The following RBCK1 variants were observed in gnomAD, a reference collection of about 807,000 sequenced individuals.
RBCK1 encodes ranBP-type and C3HC4-type zinc finger-containing protein 1.
Under a neutral mutation model 71.1 loss-of-function variants are expected in RBCK1, and 44 were observed. That is an observed-to-expected ratio of 0.62 (90% CI 0.49 to 0.80). RBCK1 has a LOEUF of 0.80. Among genes scored for constraint, RBCK1 ranks in the 30% least tolerant of loss-of-function variants. The pLI is 0.00. For synonymous variants in RBCK1, 306 were observed against 279.7 expected (o/e 1.09, Z -0.94); for missense variants, 569 against 685.0 (o/e 0.83, Z 1.89).
At position 431,688 on chromosome 20, in the gene RBCK1, C is replaced by T. The variant is rs1360557703; in HGVS notation, c.*1258C>T. ...TGGATGCCAGGACTCAAGAGCTGGC[C>T]CCAGTCACTGTGCGCAGAGCTGTCT... On this transcript the variant is annotated 3_prime_UTR_variant, in exon 12 of 12. Transcript: ENST00000356286. The surrounding 1 kb of genome is among the most constrained non-coding windows in gnomAD (Gnocchi z 4.8). Among the ~76,000 whole-genome samples the T allele has an allele frequency of 6.6e-6, 1 of 152,176 alleles. No individual in the cohort carries two copies. Among genetic ancestry groups the T allele is most frequent in the Admixed American group, 6.5e-5 (1 of 15,278 alleles).
At chr20:415,706 G>T (rs979208728) in intron 2 of RBCK1, among the ~76,000 whole-genome samples, 1 of 152,058 alleles carries the variant, frequency 6.6e-6, no homozygotes, top group Admixed American at 6.6e-5. Flanking sequence ...TTGCTACAAA[G>T]AAATATCTGA....
rs781737460 is a variant in RBCK1 at position 408,814 on chromosome 20, G to A, written c.22+35G>A. 1.6e-5 allele frequency: 25 copies of A among 1,598,092 alleles called. No individual in the cohort carries two copies. The Admixed American group carries it at 3.1e-4, about 20-fold the overall frequency. ...GGCTGGAGGTGGCTGGGGAACTTCC[G>A]GTGGGAAGTGGGCCCCGCAGGACCT... On this transcript the variant is annotated intron_variant, in intron 1 of 11. Coordinates refer to ENST00000356286, the MANE Select transcript of RBCK1 (RefSeq NM_031229.4).
chr20:410,108 C>G, intron 2 of RBCK1, 83 bp downstream of exon 2: 5 of 1,461,268 alleles, frequency 3.4e-6, no homozygotes, highest in African/African-American at 1.4e-5. Flanking sequence ...CCTAATGGCA[C>G]GTTCTGGCTT....
At chr20:413,400 A>T (rs2015814609) in intron 2 of RBCK1, among the ~76,000 whole-genome samples, 2 of 152,094 alleles carry the variant, frequency 1.3e-5, no homozygotes, top group Non-Finnish European at 1.5e-5. Context: ...AAATATTGAG[A>T]TATCTACTTC....
rs1157326317 is a variant in RBCK1, at chr20:417,765, C to T, written c.295C>T (p.Gln99Ter). 6.2e-7 allele frequency: 1 copy of T among 1,614,038 alleles called. No individual in the cohort carries two copies. The highest frequency in any genetic ancestry group is 8.5e-7 in the Non-Finnish European group (1 of 1,179,912). Residue 99 changes from glutamine (Q) to a stop codon, truncating the protein, a stop_gained, in exon 4 of 12, where the codon CAG (glutamine) becomes TAG (stop). Transcript: ENST00000356286. LOFTEE classifies it high-confidence loss of function. This position sits in a 1 kb window ranked among gnomAD's most constrained non-coding sequence, Gnocchi z 4.7. ...FLDYGFPPVL[Q>*]QWVIGQRLAR... ...GGACTATGGCTTCCCACCAGTCTTG[C>T]AGCAGTGGGTGATTGGGCAGCGGCT...
Position 417,839 on chromosome 20 carries a change from G to A in RBCK1, c.369G>A (p.Gly123=), listed in dbSNP as rs2016089614. 6.2e-7 allele frequency: 1 copy of A among 1,613,898 alleles called. No individual in the cohort carries two copies. Among genetic ancestry groups the A allele is most frequent in the Non-Finnish European group, 8.5e-7 (1 of 1,180,034 alleles). Residue 123 remains glycine (G), a synonymous_variant, in exon 4 of 12, where the codon GGG becomes GGA. Coordinates refer to ENST00000356286, the MANE Select transcript of RBCK1 (RefSeq NM_031229.4). This position sits in a 1 kb window ranked among gnomAD's most constrained non-coding sequence, Gnocchi z 4.7. ...TLHSHGVRQN[G]DSAYLYLLSA... ...ACTCCCATGGGGTGCGGCAGAATGGGGACAGTGCCTACCTCTATCTGCTGT... is the reference window on the plus strand; with the variant it reads ...ACTCCCATGGGGTGCGGCAGAATGGAGACAGTGCCTACCTCTATCTGCTGT...
chr20:424,575 G>A (rs555549704), intron 8 of RBCK1, among the ~76,000 whole-genome samples: 2 of 152,308 alleles, frequency 1.3e-5, no homozygotes, highest in East Asian at 3.9e-4. Flanking sequence ...TCACAGCTCT[G>A]ATATCAGGAG....
chr20:427,362 T>C lies in RBCK1; in HGVS notation c.1079T>C (p.Ile360Thr), dbSNP rs2016784276. 2 of 1,614,054 alleles carry C rather than the reference T, an allele frequency of 1.2e-6. No individual in the cohort carries two copies. Among genetic ancestry groups the C allele is most frequent in the South Asian group, 1.1e-5 (1 of 91,084 alleles). The change falls in exon 9 of 12, where the codon ATT becomes ACT. Residue 360 changes from isoleucine (I) to threonine (T), a missense_variant. Physicochemically the swap from Ile to Thr is moderately conservative, Grantham distance 89 (BLOSUM62 -1). This residue lies in a region of RBCK1 where 211 missense variants were observed against 309.4 expected (regional missense o/e 0.68). Transcript: ENST00000356286. ...YQRFLDLGISIAENRSAFSYH... is the reference protein window; with the variant it reads ...YQRFLDLGISTAENRSAFSYH... ...CGATTTCTAGACCTGGGCATCTCCA[T>C]TGCTGAAAACCGCAGTGCCTTCAGC...
rs144261654 is a variant in RBCK1 at position 425,377 on chromosome 20, A to G, written c.1030-1936A>G. Among the ~76,000 whole-genome samples, 363 of 152,336 alleles carry G rather than the reference A, an allele frequency of 2.4e-3. 2 individuals are homozygous for G. Among genetic ancestry groups the G allele is most frequent in the African/African-American group, 8.4e-3 (349 of 41,578 alleles). ...CACACAATAAAATGTACTCATTGTA[A>G]GTATGCAGTCAGGTAAATTTTAACA... is the stretch of plus-strand genomic sequence containing the variant. On this transcript the variant is annotated intron_variant, in intron 8 of 11. Transcript: ENST00000356286.
intron 2 of RBCK1, among the ~76,000 whole-genome samples, chr20:416,106 T>G (rs1416330773): frequency 6.6e-6 from 1 of 152,166 alleles, no homozygotes; most frequent in South Asian, 2.1e-4. Flanking sequence ...TCTCCCGTTT[T>G]TCCTGTAACT....
rs943463233 is a variant in RBCK1, at chr20:408,539, C to T, written c.-219C>T. On this transcript the variant is annotated 5_prime_UTR_variant, in exon 1 of 12. Transcript: ENST00000356286. ...CGGACCTGTCTCGGCGCCCGCTGCC[C>T]TCTCACCGCCCCACGCAGGATCCCG... 6.4e-6 allele frequency: 4 copies of T among 622,600 alleles called. No individual in the cohort carries two copies. The South Asian group carries it at 7.3e-5, about 11-fold the overall frequency. The allele number at this position is 622,600 out of a possible 1,614,324, so 38.6% of individuals were successfully genotyped here.
chr20:416,991 A>C (rs1373736615), intron 2 of RBCK1, among the ~76,000 whole-genome samples: 1 of 152,218 alleles, frequency 6.6e-6, no homozygotes, highest in Non-Finnish European at 1.5e-5. Flanking sequence ...CCTGTGTCTT[A>C]AAATTAAATC....
intron 8 of RBCK1, among the ~76,000 whole-genome samples, chr20:426,597 C>T (rs925845121): frequency 2.6e-5 from 4 of 152,058 alleles, no homozygotes; most frequent in Non-Finnish European, 5.9e-5. Context: ...TTATAGGATA[C>T]TAGTTTAATC....
At position 430,814 on chromosome 20, in the gene RBCK1, TGGA is replaced by T; in HGVS notation, c.*387_*389del. ...GGGCTAACTTCTCTGCCTTTGTGGTTGGAGGCCTGAGGCCTCTTGGAACTCTTG... is the reference window on the plus strand; with the variant it reads ...GGGCTAACTTCTCTGCCTTTGTGGTTGGCCTGAGGCCTCTTGGAACTCTTG... On this transcript the variant is annotated 3_prime_UTR_variant, in exon 12 of 12. Coordinates refer to ENST00000356286, the MANE Select transcript of RBCK1 (RefSeq NM_031229.4). This position sits in a 1 kb window ranked among gnomAD's most constrained non-coding sequence, Gnocchi z 5.6. 1 of 240,328 alleles carries T rather than the reference TGGA, an allele frequency of 4.2e-6. No homozygotes were observed. Among genetic ancestry groups the T allele is most frequent in the South Asian group, 5.9e-5 (1 of 16,856 alleles). 14.9% of individuals were successfully genotyped at this position (240,328 alleles called of 1,614,324 possible). A position where few individuals can be genotyped will look rare whatever the true frequency, so the allele number is the denominator to read the frequency against.
chr20:422,080 G>C lies in RBCK1; in HGVS notation c.918-47G>C. ...CCATGTGAGGGATGGAGTCCCCAGT[G>C]AAGGGGGTTCCTATGATCCTAACTC... is the stretch of plus-strand genomic sequence containing the variant. On this transcript the variant is annotated intron_variant, in intron 7 of 11. Transcript: ENST00000356286. The surrounding 1 kb of genome is among the most constrained non-coding windows in gnomAD (Gnocchi z 5.0). The C allele has an allele frequency of 6.6e-7, 1 of 1,506,670 alleles. No homozygotes were observed. Among genetic ancestry groups the C allele is most frequent in the South Asian group, 1.1e-5 (1 of 88,702 alleles). 93.3% of individuals were successfully genotyped at this position (1,506,670 alleles called of 1,614,324 possible).
chr20:418,010 G>A, intron 4 of RBCK1, 80 bp downstream of exon 4: 1 of 1,422,640 alleles, frequency 7.0e-7, no homozygotes, highest in Non-Finnish European at 9.4e-7. Flanking sequence ...CAGGGGCAGA[G>A]CCCCTGGGTT....
intron 4 of RBCK1, among the ~76,000 whole-genome samples, chr20:418,501 TGG>T (rs1225669849): frequency 6.6e-6 from 1 of 152,172 alleles, no homozygotes; most frequent in Non-Finnish European, 1.5e-5. Flanking sequence ...CCGGAGTAGC[TGG>T]GACTACAGGC....
Position 417,933 on chromosome 20 carries a change from G to A in RBCK1, c.460+3G>A. ...GCGGCAGCTGCGGATGCTGGAAGGT[G>A]AGGCTCTGCCCTGAGCACCGCCGGA... On this transcript the variant is annotated splice_donor_region_variant and intron_variant, in intron 4 of 11. Transcript: ENST00000356286. This position sits in a 1 kb window ranked among gnomAD's most constrained non-coding sequence, Gnocchi z 4.7. 1 of 1,603,944 alleles carries A rather than the reference G, an allele frequency of 6.2e-7. No individual in the cohort carries two copies.
chr20:419,938 C>T, intron 6 of RBCK1: 1 of 984,998 alleles, frequency 1.0e-6, no homozygotes, highest in Non-Finnish European at 1.2e-6. Flanking sequence ...GGCTGAGACC[C>T]GCTCCCTGGC....
Sources: allele counts gnomAD v4.1 joint callset (sites outside exome capture counted in the v4.1 genomes callset), GRCh38; gene constraint gnomAD v4.1.1; regional missense constraint gnomAD v4.1.1; non-coding constraint Gnocchi (gnomAD v3.1); transcripts MANE v1.5; gene names NCBI Gene and HGNC (gene_info 2026-07-23, HGNC 2026-07-21).